Variants in FSTL4 observed in about 807,000 individuals in gnomAD.
The protein encoded by FSTL4 is follistatin-related protein 4.
In FSTL4, 28 loss-of-function variants were observed where a neutral mutation model predicts 78.2. The ratio of observed to expected loss-of-function variants is 0.36; its 90% confidence interval spans 0.27 to 0.49. The LOEUF (loss-of-function observed/expected upper bound fraction) is 0.49. Ranked by LOEUF, FSTL4 falls within the 20% of genes least tolerant of loss-of-function variation. The pLI is 0.98. For missense variants in FSTL4, 922 were observed against 1,084.9 expected (o/e 0.85, Z 2.11); for synonymous variants, 422 against 440.5 (o/e 0.96, Z 0.53).
At position 133,206,116 on chromosome 5, in the gene FSTL4, CTG is replaced by C. The variant is rs1427004366; in HGVS notation, c.1716+4073_1716+4074del. 8.5e-5 allele frequency among the ~76,000 whole-genome samples: 13 copies of C among 152,232 alleles called. No homozygotes were observed. In the South Asian group the frequency reaches 1.0e-3, roughly 12 times the overall value. On this transcript the variant is annotated intron_variant, in intron 14 of 15. Coordinates refer to ENST00000265342, the MANE Select transcript of FSTL4 (RefSeq NM_015082.2). ...AATAACACTGGCTATTTAAAACAAA[CTG>C]TGCATTTTCACCCTATAGTCTTGGG...
At chr5:133,719,815 C>T in the FSTL4 span, among the ~76,000 whole-genome samples, 5 of 152,074 alleles carry the variant, frequency 3.3e-5, no homozygotes, top group South Asian at 2.1e-4. Context: ...TTTTATAAAG[C>T]TCCCATGTCC....
At chr5:133,692,644 G>A in the FSTL4 span, among the ~76,000 whole-genome samples, 7 of 152,236 alleles carry the variant, frequency 4.6e-5, no homozygotes, top group Non-Finnish European at 8.8e-5. Context: ...CAAATTCCAT[G>A]TTCTCTGAGA....
chr5:133,596,598 A>C (rs923419497), intron 2 of FSTL4, among the ~76,000 whole-genome samples: 1 of 152,130 alleles, frequency 6.6e-6, no homozygotes, highest in African/African-American at 2.4e-5. Flanking sequence ...GCCCTCTTGG[A>C]ACAAAGGAAG....
At position 133,215,914 on chromosome 5, in the gene FSTL4, T is replaced by G. The variant is rs1006488932; in HGVS notation, c.1608+1315A>C. ...TTTGCCTCCCTCTTATAAGGACATT[T>G]GTGATTGCATTTAGGGCCCATCCAG... On this transcript the variant is annotated intron_variant, in intron 13 of 15. Transcript: ENST00000265342. Among the ~76,000 whole-genome samples the G allele has an allele frequency of 8.5e-5, 13 of 152,308 alleles. No individual in the cohort carries two copies. The East Asian group carries it at 1.4e-3, about 16-fold the overall frequency.
intron 2 of FSTL4, among the ~76,000 whole-genome samples, chr5:133,598,122 A>T (rs1760778576): frequency 6.6e-6 from 1 of 152,232 alleles, no homozygotes; most frequent in Admixed American, 6.5e-5. Flanking sequence ...GCATGACTGC[A>T]GCCTGCCCAT....
the FSTL4 span, among the ~76,000 whole-genome samples, chr5:133,750,778 C>T: frequency 3.0e-4 from 45 of 152,214 alleles, no homozygotes; most frequent in East Asian, 8.5e-3. Context: ...AATGGTCACC[C>T]CTATGATTAG....
At chr5:133,602,716 G>A (rs574934385) in intron 2 of FSTL4, among the ~76,000 whole-genome samples, 19 of 152,240 alleles carry the variant, frequency 1.2e-4, no homozygotes, top group African/African-American at 3.9e-4. Flanking sequence ...CAGAGATAGC[G>A]TTTCTGTTTA....
At chr5:133,332,377 A>T (rs555419472) in intron 4 of FSTL4, among the ~76,000 whole-genome samples, 78 of 152,304 alleles carry the variant, frequency 5.1e-4, no homozygotes, top group African/African-American at 1.8e-3. Flanking sequence ...CTTGTCTGTC[A>T]TGGTAATGGA....
intron 3 of FSTL4, among the ~76,000 whole-genome samples, chr5:133,516,553 G>T (rs1225604561): frequency 6.6e-6 from 1 of 152,208 alleles, no homozygotes; most frequent in African/African-American, 2.4e-5. Context: ...ATTCAGGATT[G>T]TAAAGATTTA....
At chr5:133,290,320 C>T (rs561380212) in intron 6 of FSTL4, among the ~76,000 whole-genome samples, 10 of 152,250 alleles carry the variant, frequency 6.6e-5, no homozygotes, top group Non-Finnish European at 1.5e-4. Context: ...AATGCCTGCA[C>T]CTCTGCTGAT....
chr5:133,208,518 G>A (rs1750598931), intron 14 of FSTL4, among the ~76,000 whole-genome samples: 1 of 152,114 alleles, frequency 6.6e-6, no homozygotes, highest in South Asian at 2.1e-4. Flanking sequence ...CTTATTTAAT[G>A]TTTGACTCCG....
the FSTL4 span, among the ~76,000 whole-genome samples, chr5:133,771,684 G>A: frequency 5.3e-5 from 8 of 152,160 alleles, no homozygotes; most frequent in South Asian, 1.5e-3. Context: ...TCAATGAACA[G>A]GGATAATTTG....
At chr5:133,771,666 T>C in the FSTL4 span, among the ~76,000 whole-genome samples, 1 of 152,156 alleles carries the variant, frequency 6.6e-6, no homozygotes. Context: ...AGATGTAACA[T>C]CATATCATCA....
intron 6 of FSTL4, among the ~76,000 whole-genome samples, chr5:133,260,075 A>G (rs1351726272): frequency 6.6e-6 from 1 of 151,850 alleles, no homozygotes; most frequent in African/African-American, 2.4e-5. Flanking sequence ...GTTACTAAAA[A>G]CCCTCCTCCA....
the FSTL4 span, among the ~76,000 whole-genome samples, chr5:133,694,631 G>T: frequency 6.6e-6 from 1 of 152,226 alleles, no homozygotes; most frequent in African/African-American, 2.4e-5. Context: ...CTGGGTTCCT[G>T]CTTCTAGCAC....
chr5:133,396,179 A>T (rs1009702492), intron 4 of FSTL4, among the ~76,000 whole-genome samples: 4 of 152,202 alleles, frequency 2.6e-5, no homozygotes, highest in African/African-American at 7.2e-5. Context: ...AGCTTGTTGC[A>T]TCTGCTCCTT....
chr5:133,582,549 G>A (rs1227848872), intron 2 of FSTL4, among the ~76,000 whole-genome samples: 1 of 152,152 alleles, frequency 6.6e-6, no homozygotes, highest in Admixed American at 6.5e-5. Context: ...TCTGGAGTGG[G>A]GAGGGGTCCA....
At chr5:133,582,456 C>T (rs996060060) in intron 2 of FSTL4, among the ~76,000 whole-genome samples, 4 of 152,162 alleles carry the variant, frequency 2.6e-5, no homozygotes, top group Non-Finnish European at 4.4e-5. Context: ...CCAATTTCCA[C>T]CCACAAACAG....
intron 3 of FSTL4, among the ~76,000 whole-genome samples, chr5:133,547,726 T>C (rs1759611728): frequency 1.3e-5 from 2 of 152,196 alleles, no homozygotes; most frequent in South Asian, 4.1e-4. Context: ...CCCCATGTTA[T>C]GATGAAGCAT....
Sources: gnomAD v4.1 joint callset for allele counts (sites outside exome capture counted in the v4.1 genomes callset) on GRCh38, gnomAD v4.1.1 for gene constraint, MANE v1.5 for transcripts, NCBI Gene and HGNC (gene_info 2026-07-23, HGNC 2026-07-21) for gene names.